The following PGM2L1 variants were observed in gnomAD, a reference collection of about 807,000 sequenced individuals.
PGM2L1 encodes the protein glucose 1,6-bisphosphate synthase.
In PGM2L1, 35 loss-of-function variants were observed where a neutral mutation model predicts 73.4. That is an observed-to-expected ratio of 0.48 (90% CI 0.36 to 0.63). The LOEUF is 0.63. Ranked by LOEUF, PGM2L1 falls within the 30% of genes least tolerant of loss-of-function variation. The pLI is 0.00. For missense variants in PGM2L1, 570 were observed against 742.0 expected, an observed-to-expected ratio of 0.77 and a Z score of 2.69; for synonymous variants, 225 against 253.8, an observed-to-expected ratio of 0.89 and a Z score of 1.08.
intron 1 of PGM2L1, 158 bp downstream of exon 1, chr11:74,397,893 A>G (rs1434719948): frequency 2.3e-6 from 3 of 1,290,056 alleles, no homozygotes; most frequent in South Asian, 2.1e-5. Flanking sequence ...CGAAGGAGCA[A>G]CCCCACGCAT....
At chr11:74,378,079 A>C (rs926457029) in intron 1 of PGM2L1, among the ~76,000 whole-genome samples, 2 of 152,184 alleles carry the variant, frequency 1.3e-5, no homozygotes, top group Non-Finnish European at 2.9e-5. Flanking sequence ...AGGCGGGCGG[A>C]TCACCTGAGG....
At position 74,398,009 on chromosome 11, in the gene PGM2L1, TG is replaced by T. The variant is rs770121206; in HGVS notation, c.111+41del. The stretch of plus-strand genomic sequence containing the variant: ...TGGGCACAGGAAAGAGCAGACTGTG[TG>T]GGGGAGGCGACGGCGTTTGCCGGGC... On this transcript the variant is annotated intron_variant, in intron 1 of 13. Transcript: ENST00000298198. 1.9e-6 allele frequency: 3 copies of T among 1,566,266 alleles called. No individual in the cohort carries two copies. In the South Asian group the frequency reaches 3.6e-5, roughly 19 times the overall value.
Position 74,342,570 on chromosome 11 carries a change from C to T in PGM2L1, c.1523G>A (p.Arg508His), listed in dbSNP as rs376494726. The T allele has an allele frequency of 1.6e-5, 26 of 1,606,092 alleles. No individual in the cohort carries two copies. Among genetic ancestry groups the T allele is most frequent in the Middle Eastern group, 1.7e-4 (1 of 6,054 alleles). The change falls in exon 12 of 14, where the codon CGT becomes CAT. Residue 508 changes from arginine to histidine, a missense_variant. Coordinates refer to ENST00000298198, the MANE Select transcript of PGM2L1 (RefSeq NM_173582.6). ...PTIKSIFERL[R>H]NFDSPKEYPK... The stretch of plus-strand genomic sequence containing the variant: ...ATATTCTTTTGGAGAATCAAAATTA[C>T]GAAGCCTTTCAAATATACTTTTGAT...
chr11:74,374,258 A>G (rs1296535174), intron 2 of PGM2L1, among the ~76,000 whole-genome samples, 157 bp downstream of exon 2: 1 of 151,472 alleles, frequency 6.6e-6, no homozygotes, highest in African/African-American at 2.4e-5. Flanking sequence ...TAATTTTTGT[A>G]TTTTTAGTAG....
intron 1 of PGM2L1, among the ~76,000 whole-genome samples, chr11:74,396,762 A>C (rs1863183841): frequency 6.6e-6 from 1 of 152,198 alleles, no homozygotes; most frequent in Non-Finnish European, 1.5e-5. Context: ...AGGCCTCCTG[A>C]ATCAGAATTT....
At chr11:74,395,521 G>C (rs1423968215) in intron 1 of PGM2L1, among the ~76,000 whole-genome samples, 1 of 146,498 alleles carries the variant, frequency 6.8e-6, no homozygotes, top group Non-Finnish European at 1.5e-5. Flanking sequence ...GAGTAGCTGG[G>C]ACTACAGGCA....
chr11:74,392,563 C>G (rs1481924879), intron 1 of PGM2L1, among the ~76,000 whole-genome samples: 1 of 149,708 alleles, frequency 6.7e-6, no homozygotes, highest in African/African-American at 2.5e-5. Context: ...TTTTTTGAGA[C>G]GGAGTCTGGC....
At chr11:74,361,262 T>G (rs975980913) in intron 5 of PGM2L1, among the ~76,000 whole-genome samples, 7 of 152,166 alleles carry the variant, frequency 4.6e-5, no homozygotes, top group African/African-American at 1.4e-4. Flanking sequence ...TTCTGCAGCC[T>G]CCACTGCTGA....
intron 1 of PGM2L1, among the ~76,000 whole-genome samples, chr11:74,381,697 G>C (rs1862949299): frequency 6.7e-6 from 1 of 150,218 alleles, no homozygotes; most frequent in African/African-American, 2.5e-5. Flanking sequence ...TCCTGCCTTG[G>C]CCTCCCCAAA....
chr11:74,390,846 T>G (rs1863091466), intron 1 of PGM2L1, among the ~76,000 whole-genome samples: 1 of 152,208 alleles, frequency 6.6e-6, no homozygotes, highest in Admixed American at 6.5e-5. Context: ...TGAAATAAGC[T>G]AGTCATAGAA....
intron 1 of PGM2L1, among the ~76,000 whole-genome samples, chr11:74,385,660 G>T (rs998007894): frequency 1.3e-5 from 2 of 151,554 alleles, no homozygotes; most frequent in Non-Finnish European, 2.9e-5. Flanking sequence ...TTAATTTAAC[G>T]TATACTCAGA....
At chr11:74,389,780 C>G (rs1445687246) in intron 1 of PGM2L1, among the ~76,000 whole-genome samples, 1 of 149,834 alleles carries the variant, frequency 6.7e-6, no homozygotes, top group Non-Finnish European at 1.5e-5. Context: ...AAGACATATC[C>G]GAATAGGTTT....
intron 1 of PGM2L1, among the ~76,000 whole-genome samples, chr11:74,392,505 T>C (rs1221970856): frequency 2.0e-5 from 3 of 151,926 alleles, no homozygotes; most frequent in East Asian, 1.9e-4. Context: ...TTCTGCATAA[T>C]ATTACATCCT....
intron 5 of PGM2L1, among the ~76,000 whole-genome samples, chr11:74,359,816 A>G (rs1034204767): frequency 3.3e-5 from 5 of 152,188 alleles, no homozygotes; most frequent in African/African-American, 1.2e-4. Context: ...GAGAAACTGT[A>G]CTAGGGGACA....
At chr11:74,389,542 C>T (rs1034777356) in intron 1 of PGM2L1, among the ~76,000 whole-genome samples, 1 of 151,638 alleles carries the variant, frequency 6.6e-6, no homozygotes, top group Admixed American at 6.6e-5. Context: ...CTCCGCCTCC[C>T]GGGTTCCAGT....
At chr11:74,356,864 G>A (rs1032426429) in intron 5 of PGM2L1, among the ~76,000 whole-genome samples, 4 of 151,808 alleles carry the variant, frequency 2.6e-5, no homozygotes, top group Middle Eastern at 3.4e-3. Flanking sequence ...ATGGAGTTTC[G>A]GTCTTGTTGC....
At chr11:74,381,571 C>CTTT (rs1195996518) in intron 1 of PGM2L1, among the ~76,000 whole-genome samples, 72 of 95,396 alleles carry the variant, frequency 7.5e-4, no homozygotes, top group African/African-American at 1.3e-3. Context: ...GTGTTTTTGT[C>CTTT]TTTTTTTTTT....
chr11:74,343,711 A>G (rs1862218285), intron 9 of PGM2L1, among the ~76,000 whole-genome samples: 2 of 151,960 alleles, frequency 1.3e-5, no homozygotes, highest in African/African-American at 4.8e-5. Flanking sequence ...ATAAGCACAT[A>G]CAGTATAATC....
chr11:74,397,299 C>T (rs1863190710), intron 1 of PGM2L1, among the ~76,000 whole-genome samples: 1 of 138,432 alleles, frequency 7.2e-6, no homozygotes, highest in Admixed American at 7.3e-5. Context: ...CTGATTGTCA[C>T]AAATTCATCC....
Sources: gnomAD v4.1 joint callset for allele counts (sites outside exome capture counted in the v4.1 genomes callset) on GRCh38, gnomAD v4.1.1 for gene constraint, MANE v1.5 for transcripts, NCBI Gene and HGNC (gene_info 2026-07-23, HGNC 2026-07-21) for gene names.